Variants in BAZ1B observed in about 807,000 individuals in gnomAD.
The protein encoded by BAZ1B is bromodomain adjacent to zinc finger domain 1B, also known as tyrosine-protein kinase BAZ1B.
BAZ1B carries 22 observed loss-of-function variants against 153.8 expected under a neutral mutation model. The ratio of observed to expected loss-of-function variants is 0.14; its 90% CI spans 0.10 to 0.20. BAZ1B has a LOEUF of 0.20. BAZ1B is among the 10% of genes least tolerant of loss of function. The probability of loss-of-function intolerance (pLI) is 1.00; values close to 1 mark genes in which losing one functional copy is unlikely to be tolerated. For synonymous variants in BAZ1B, 676 were observed against 633.4 expected, an observed-to-expected ratio of 1.07 and a Z score of -1.01; for missense variants, 1,325 against 1,799.3, an observed-to-expected ratio of 0.74 and a Z score of 4.77.
rs2116338866 is a variant in BAZ1B, at chr7:73,477,898, A to G, written c.1563T>C (p.Leu521=). 6.2e-7 allele frequency: 1 copy of G among 1,614,176 alleles called. No individual in the cohort carries two copies. Among genetic ancestry groups the G allele is most frequent in the Non-Finnish European group, 8.5e-7 (1 of 1,180,044 alleles). ...RARLPEELRS[L]VQKRYELLEH... ...CTAGAAGTTCATAGCGTTTTTGAAC[A>G]AGACTTCGCAATTCTTCTGGGAGAC... The change falls in exon 7 of 20, where the codon CTT becomes CTC. Residue 521 remains leucine (L), a synonymous_variant. Transcript: ENST00000339594. The surrounding 1 kb of genome is among the most constrained non-coding windows in gnomAD (Gnocchi z 5.6).
At chr7:73,515,531 C>CTTTTTTTTT (rs869065388) in intron 1 of BAZ1B, among the ~76,000 whole-genome samples, 1 of 111,398 alleles carries the variant, frequency 9.0e-6, no homozygotes, top group Non-Finnish European at 1.8e-5. Context: ...AGCCTTGTTC[C>CTTTTTTTTT]TTTTTTTTTT....
Position 73,478,382 on chromosome 7 carries a change from T to G in BAZ1B, c.1079A>C (p.Lys360Thr), listed in dbSNP as rs202201817. 17 of 1,612,460 alleles carry G rather than the reference T, an allele frequency of 1.1e-5. No homozygotes were observed. Among genetic ancestry groups the G allele is most frequent in the East Asian group, 2.2e-5 (1 of 44,870 alleles). Residue 360 changes from lysine to threonine, a missense_variant, in exon 7 of 20, where the codon AAA becomes ACA. This residue lies in a region of BAZ1B where 219 missense variants were observed against 248.2 expected (regional missense o/e 0.88). Coordinates refer to ENST00000339594, the MANE Select transcript of BAZ1B (RefSeq NM_032408.4). ...TTCTTCTAGATGTTCTTCAGGAGATTTGGAATTCTTTGAGTTCTTCACTTT... is the reference window on the plus strand; with the variant it reads ...TTCTTCTAGATGTTCTTCAGGAGATGTGGAATTCTTTGAGTTCTTCACTTT... ...PLKVKNSKNS[K>T]SPEEHLEEMM... is the part of the protein sequence containing the mutation.
chr7:73,511,047 G>A (rs573913206), intron 1 of BAZ1B, among the ~76,000 whole-genome samples, 195 bp from the exon 2 acceptor site: 16 of 152,128 alleles, frequency 1.1e-4, no homozygotes, highest in Admixed American at 2.6e-4. Flanking sequence ...CGAGGCGGGC[G>A]GATCACGAGG....
intron 15 of BAZ1B, among the ~76,000 whole-genome samples, chr7:73,449,226 A>G (rs1255971414): frequency 3.3e-5 from 5 of 152,232 alleles, no homozygotes; most frequent in African/African-American, 1.2e-4. Context: ...GGGTGATAGC[A>G]GAAGTAATCA....
chr7:73,451,458 G>C (rs1435417235), intron 13 of BAZ1B, among the ~76,000 whole-genome samples: 1 of 152,188 alleles, frequency 6.6e-6, no homozygotes, highest in African/African-American at 2.4e-5. Flanking sequence ...TATCCTGGAA[G>C]GTCATGGGCT....
chr7:73,443,033 C>T (rs1787686970), intron 17 of BAZ1B, among the ~76,000 whole-genome samples: 1 of 152,220 alleles, frequency 6.6e-6, no homozygotes. Flanking sequence ...ACTCACTCGC[C>T]TCCCCCGGGG....
intron 6 of BAZ1B, among the ~76,000 whole-genome samples, chr7:73,478,904 T>C (rs1442681147): frequency 2.0e-5 from 3 of 152,168 alleles, no homozygotes; most frequent in African/African-American, 7.2e-5. Flanking sequence ...TGCATACAAT[T>C]TCAGAGAATC....
intron 1 of BAZ1B, among the ~76,000 whole-genome samples, chr7:73,511,981 T>C (rs1030613527): frequency 3.9e-4 from 49 of 126,330 alleles, no homozygotes; most frequent in African/African-American, 1.4e-3. Flanking sequence ...TGAGCCGAGA[T>C]GGCACCACTG....
Position 73,462,911 on chromosome 7 carries a change from T to C in BAZ1B, c.3249+11A>G, listed in dbSNP as rs1554570595. On this transcript the variant is annotated intron_variant, in intron 12 of 19. Transcript: ENST00000339594. ...ATGAGTAATCTAAGGGGGATTTTCTTATATTCCTACCCGGGCTTCAAATTC... is the reference window on the plus strand; with the variant it reads ...ATGAGTAATCTAAGGGGGATTTTCTCATATTCCTACCCGGGCTTCAAATTC... 6.2e-6 allele frequency: 10 copies of C among 1,613,722 alleles called. No individual in the cohort carries two copies. The highest frequency in any genetic ancestry group is 8.5e-6 in the Non-Finnish European group (10 of 1,179,656).
rs57321282 is a variant in BAZ1B, at chr7:73,486,325, T to TTTTA, written c.891+2865_891+2868dup. On this transcript the variant is annotated intron_variant, in intron 6 of 19. Transcript: ENST00000339594. ...CACTATGGGTCCTTTGGTAAAACTA[T>TTTTA]TTTATTTATTTATTTATTTGAGACA... 6.2e-3 allele frequency among the ~76,000 whole-genome samples: 942 copies of TTTTA among 152,080 alleles called. 6 individuals carry two copies. Among genetic ancestry groups the TTTTA allele is most frequent in the South Asian group, 0.01 (49 of 4,796 alleles).
chr7:73,489,189 C>T lies in BAZ1B; in HGVS notation c.891+5G>A. The T allele has an allele frequency of 6.2e-7, 1 of 1,613,770 alleles. No individual in the cohort carries two copies. Among genetic ancestry groups the T allele is most frequent in the South Asian group, 1.1e-5 (1 of 91,062 alleles). ...CTGCTGTCCAAAAATTAACAGTGAC[C>T]TTACCTTGTATGGATCAAGTAAAAA... On this transcript the variant is annotated splice_donor_5th_base_variant and intron_variant, in intron 6 of 19. Transcript: ENST00000339594.
chr7:73,508,224 C>T, intron 3 of BAZ1B, 103 bp downstream of exon 3: 1 of 1,238,458 alleles, frequency 8.1e-7, no homozygotes, highest in Non-Finnish European at 1.1e-6. Flanking sequence ...AAATATAATA[C>T]TAAATATAAC....
chr7:73,506,876 A>C (rs1376169759), intron 3 of BAZ1B, among the ~76,000 whole-genome samples: 1 of 146,220 alleles, frequency 6.8e-6, no homozygotes, highest in African/African-American at 2.5e-5. Flanking sequence ...AAAAAGTCTT[A>C]AAGTCTTTTT....
intron 7 of BAZ1B, among the ~76,000 whole-genome samples, chr7:73,473,712 G>A (rs1401843183): frequency 6.6e-6 from 1 of 152,214 alleles, no homozygotes; most frequent in East Asian, 1.9e-4. Context: ...TCAAGCCGGG[G>A]TTTGGTGGCT....
chr7:73,496,039 G>C (rs1554576335), intron 4 of BAZ1B, among the ~76,000 whole-genome samples: 1 of 152,090 alleles, frequency 6.6e-6, no homozygotes. Flanking sequence ...AAATATAACA[G>C]AAAAGTCCAA....
intron 17 of BAZ1B, 108 bp from the exon 18 acceptor site, chr7:73,442,936 T>C (rs782322347): frequency 1.0e-5 from 9 of 863,526 alleles, no homozygotes; most frequent in Non-Finnish European, 1.6e-5. Context: ...GTTCAACTAT[T>C]TCCTTGGCGC....
At chr7:73,517,334 C>T (rs910390590) in intron 1 of BAZ1B, among the ~76,000 whole-genome samples, 2 of 151,668 alleles carry the variant, frequency 1.3e-5, no homozygotes, top group African/African-American at 4.8e-5. Context: ...CTCGTCTCTA[C>T]AAAACATACA....
At chr7:73,467,749 A>G (rs1788650311) in intron 9 of BAZ1B, among the ~76,000 whole-genome samples, 1 of 152,176 alleles carries the variant, frequency 6.6e-6, no homozygotes, top group South Asian at 2.1e-4. Context: ...ATGCTCTAGA[A>G]GTGAAGGGTC....
chr7:73,459,620 C>T lies in BAZ1B; in HGVS notation c.3348G>A (p.Lys1116=), dbSNP rs782725866. The T allele has an allele frequency of 6.2e-7, 1 of 1,614,006 alleles. No homozygotes were observed. The highest frequency in any genetic ancestry group is 1.3e-5 in the African/African-American group (1 of 75,048). Residue 1116 remains lysine (K), a synonymous_variant, in exon 13 of 20, where the codon AAG becomes AAA. Transcript: ENST00000339594. ...CACTTTGGAGTTTTCTTCTCTTTTG[C>T]TTGGGAGCCATGAAGCCTTGGAGAA... ...KKFLQGFMAP[K]QKRRKLQSED...
Sources: allele counts gnomAD v4.1 joint callset (sites outside exome capture counted in the v4.1 genomes callset), GRCh38; gene constraint gnomAD v4.1.1; regional missense constraint gnomAD v4.1.1; non-coding constraint Gnocchi (gnomAD v3.1); transcripts MANE v1.5; gene names NCBI Gene and HGNC (gene_info 2026-07-23, HGNC 2026-07-21).